The following ROBO1 variants were observed in gnomAD, a reference collection of about 807,000 sequenced individuals.
The protein encoded by ROBO1 is roundabout guidance receptor 1.
In ROBO1, 149 loss-of-function variants were observed where a neutral mutation model predicts 195.9. The ratio of observed to expected loss-of-function variants is 0.76; its 90% CI spans 0.67 to 0.87. The LOEUF (loss-of-function observed/expected upper bound fraction) is 0.87, where lower values mean the gene tolerates loss of function less well. Among genes scored for constraint, ROBO1 ranks in the 40% least tolerant of loss-of-function variants. The pLI, the probability that ROBO1 is intolerant of heterozygous loss-of-function variation, is 0.00. For synonymous variants in ROBO1, 816 were observed against 733.2 expected (o/e 1.11, Z -1.82); for missense variants, 1,933 against 2,068.3 (o/e 0.93, Z 1.27).
intron 3 of ROBO1, among the ~76,000 whole-genome samples, chr3:78,999,555 G>C (rs1318758037): frequency 1.3e-5 from 2 of 152,102 alleles, no homozygotes; most frequent in African/African-American, 4.8e-5. Context: ...GGGAAAGGAA[G>C]GGAAAGGAGC....
At chr3:79,598,107 G>T (rs761567810) in intron 1 of ROBO1, among the ~76,000 whole-genome samples, 1 of 152,012 alleles carries the variant, frequency 6.6e-6, no homozygotes, top group Non-Finnish European at 1.5e-5. Flanking sequence ...TAAACCTCAG[G>T]CTGTATATCA....
At chr3:79,318,694 T>C (rs140277057) in intron 2 of ROBO1, among the ~76,000 whole-genome samples, 2,397 of 152,284 alleles carry the variant, frequency 0.016, 25 homozygotes, top group Middle Eastern at 0.027. Context: ...TAGCGATGCA[T>C]TTCATTGTTT....
At chr3:79,646,878 G>A (rs911929727) in intron 1 of ROBO1, among the ~76,000 whole-genome samples, 2 of 152,036 alleles carry the variant, frequency 1.3e-5, no homozygotes, top group African/African-American at 4.8e-5. Context: ...AAGACAGAAA[G>A]TAGATTGCTG....
intron 4 of ROBO1, among the ~76,000 whole-genome samples, chr3:78,757,079 A>G (rs1043244252): frequency 6.6e-6 from 1 of 152,182 alleles, no homozygotes; most frequent in South Asian, 2.1e-4. Context: ...TTTAGTAGAG[A>G]CAGGGTTTCG....
chr3:78,620,101 A>G (rs189992102), intron 26 of ROBO1, among the ~76,000 whole-genome samples: 1 of 152,218 alleles, frequency 6.6e-6, no homozygotes, highest in East Asian at 1.9e-4. Flanking sequence ...AAAACCATAC[A>G]GGACCTGGTC....
At chr3:79,252,883 G>T (rs1165645353) in intron 2 of ROBO1, among the ~76,000 whole-genome samples, 1 of 151,864 alleles carries the variant, frequency 6.6e-6, no homozygotes, top group African/African-American at 2.4e-5. Context: ...TTTCACATTT[G>T]CTCCCTCAAG....
At chr3:78,998,474 T>C (rs2077420336) in intron 3 of ROBO1, among the ~76,000 whole-genome samples, 2 of 152,154 alleles carry the variant, frequency 1.3e-5, no homozygotes, top group Non-Finnish European at 2.9e-5. Flanking sequence ...TTTTGTAACA[T>C]TTCAGGCATT....
intron 4 of ROBO1, among the ~76,000 whole-genome samples, chr3:78,867,573 T>C (rs1489617892): frequency 2.0e-5 from 3 of 152,000 alleles, no homozygotes; most frequent in African/African-American, 7.2e-5. Flanking sequence ...TGCAGTAGAG[T>C]CTTTAAGGGA....
rs980639475 is a variant in ROBO1, at chr3:79,092,917, A to C, written c.172+32539T>G. On this transcript the variant is annotated intron_variant, in intron 3 of 30. Coordinates refer to ENST00000464233, the MANE Select transcript of ROBO1 (RefSeq NM_002941.4). ...TTCTTGATTCATTCTTTAGCTGTAA[A>C]ACAAAATTTAACAATTAAAAAGAAT... Among the ~76,000 whole-genome samples, 5 of 152,316 alleles carry C rather than the reference A, an allele frequency of 3.3e-5. No individual in the cohort carries two copies. In the South Asian group the frequency reaches 1.0e-3, roughly 32 times the overall value.
At chr3:78,799,552 A>G (rs944551546) in intron 4 of ROBO1, among the ~76,000 whole-genome samples, 10 of 152,066 alleles carry the variant, frequency 6.6e-5, no homozygotes, top group Non-Finnish European at 1.2e-4. Context: ...CGTGTTAGCC[A>G]GGATGGTCTC....
intron 4 of ROBO1, among the ~76,000 whole-genome samples, chr3:78,778,739 C>G (rs1039759892): frequency 6.6e-6 from 1 of 152,160 alleles, no homozygotes; most frequent in African/African-American, 2.4e-5. Flanking sequence ...CTACCACTGA[C>G]TTCCTTCACA....
intron 2 of ROBO1, among the ~76,000 whole-genome samples, chr3:79,333,728 A>C (rs1339185995): frequency 1.3e-5 from 2 of 152,160 alleles, no homozygotes; most frequent in East Asian, 3.9e-4. Context: ...GGTTACATTT[A>C]AGCCCCTCTT....
chr3:79,125,609 C>T, intron 2 of ROBO1, 70 bp from the exon 3 acceptor site: 1 of 1,101,244 alleles, frequency 9.1e-7, no homozygotes, highest in East Asian at 2.4e-5. Flanking sequence ...TCGATCACAG[C>T]ATGTCCAGAC....
At chr3:78,947,984 A>C (rs924278692) in intron 3 of ROBO1, among the ~76,000 whole-genome samples, 4 of 152,232 alleles carry the variant, frequency 2.6e-5, no homozygotes, top group African/African-American at 7.2e-5. Context: ...AAGAAGTTGA[A>C]TCTCTGAATA....
chr3:79,693,320 T>C (rs1483568161), intron 1 of ROBO1, among the ~76,000 whole-genome samples: 2 of 151,714 alleles, frequency 1.3e-5, no homozygotes, highest in Non-Finnish European at 2.9e-5. Flanking sequence ...CTTTCTAAAG[T>C]AGTTTTATTG....
chr3:78,773,650 G>GA (rs1285073754), intron 4 of ROBO1, among the ~76,000 whole-genome samples: 1 of 151,698 alleles, frequency 6.6e-6, no homozygotes, highest in East Asian at 1.9e-4. Flanking sequence ...AAAGAAAAAA[G>GA]AAAAAAAGAC....
intron 2 of ROBO1, among the ~76,000 whole-genome samples, chr3:79,400,006 T>C (rs1053492402): frequency 6.6e-6 from 1 of 152,152 alleles, no homozygotes; most frequent in African/African-American, 2.4e-5. Flanking sequence ...TGGGTGCACA[T>C]TTACCTCTGG....
intron 3 of ROBO1, among the ~76,000 whole-genome samples, chr3:79,111,812 G>A (rs953424324): frequency 6.6e-6 from 1 of 152,148 alleles, no homozygotes; most frequent in African/African-American, 2.4e-5. Context: ...GGTTCCAGCT[G>A]TGTGCTTGGT....
At chr3:78,993,780 G>T (rs951542211) in intron 3 of ROBO1, among the ~76,000 whole-genome samples, 3 of 152,084 alleles carry the variant, frequency 2.0e-5, no homozygotes, top group Admixed American at 6.6e-5. Flanking sequence ...GGCTTCCAAA[G>T]TGAAATCTAT....
Sources: allele counts gnomAD v4.1 joint callset (sites outside exome capture counted in the v4.1 genomes callset), GRCh38; gene constraint gnomAD v4.1.1; transcripts MANE v1.5; gene names NCBI Gene and HGNC (gene_info 2026-07-23, HGNC 2026-07-21).